The following NTRK2 variants were observed in gnomAD, a reference collection of about 807,000 sequenced individuals.
NTRK2 encodes neurotrophic receptor tyrosine kinase 2, also known as BDNF/NT-3 growth factors receptor.
Under a neutral mutation model 94.5 loss-of-function variants are expected in NTRK2, and 13 were observed. That is an observed-to-expected ratio of 0.14 (90% CI 0.09 to 0.22). The LOEUF is 0.22. NTRK2 is among the 10% of genes least tolerant of loss of function. The pLI is 1.00. For missense variants in NTRK2, 639 were observed against 1,071.2 expected, an observed-to-expected ratio of 0.60 and a Z score of 5.63; for synonymous variants, 372 against 407.4, an observed-to-expected ratio of 0.91 and a Z score of 1.05.
chr9:84,714,412 A>G (rs898557669), intron 6 of NTRK2, among the ~76,000 whole-genome samples: 1 of 152,098 alleles, frequency 6.6e-6, no homozygotes, highest in South Asian at 2.1e-4. Context: ...GGAGTTCTTT[A>G]TAGTTTCTTC....
chr9:84,795,980 G>T (rs575114079), intron 12 of NTRK2, among the ~76,000 whole-genome samples: 11 of 150,022 alleles, frequency 7.3e-5, no homozygotes, highest in Non-Finnish European at 1.5e-4. Context: ...TTTGGTAGTA[G>T]CTAAGATTCT....
chr9:84,736,887 C>T (rs1029779001), intron 9 of NTRK2, among the ~76,000 whole-genome samples: 53 of 152,292 alleles, frequency 3.5e-4, no homozygotes, highest in African/African-American at 1.2e-3. Context: ...CAATTTCAGG[C>T]GCTGAGTTCA....
chr9:84,798,794 T>G (rs974623068), intron 12 of NTRK2, among the ~76,000 whole-genome samples: 1 of 152,010 alleles, frequency 6.6e-6, no homozygotes, highest in Non-Finnish European at 1.5e-5. Context: ...CATTTGCAAC[T>G]CTTTGTGAAC....
chr9:85,001,876 C>T (rs1024703988), intron 17 of NTRK2, among the ~76,000 whole-genome samples: 1 of 152,220 alleles, frequency 6.6e-6, no homozygotes, highest in African/African-American at 2.4e-5. Flanking sequence ...ACCTGAAGGC[C>T]AGAATTTCTG....
chr9:84,882,719 T>TGCGTGCGCGCGCGCGC (rs2076294669), intron 14 of NTRK2, among the ~76,000 whole-genome samples: 1 of 145,742 alleles, frequency 6.9e-6, no homozygotes, highest in Non-Finnish European at 1.5e-5. Context: ...TGTGTGTGTG[T>TGCGTGCGCGCGCGCGC]GCGCGCGCGC....
Position 84,670,553 on chromosome 9 carries a change from G to A in NTRK2, c.-196G>A. On this transcript the variant is annotated 5_prime_UTR_variant, in exon 2 of 19. In the 5' UTR this introduces an upstream ATG that the reference lacks. Transcript: ENST00000277120. ...AGCGGTTCGCTATGCCGGGGCCACT[G>A]TGAACCCTGCCGCCTGCCGGAACAC... 1.6e-6 allele frequency: 1 copy of A among 630,352 alleles called. No homozygotes were observed. The highest frequency in any genetic ancestry group is 2.7e-5 in the East Asian group (1 of 36,474). The allele number at this position is 630,352 out of a possible 1,614,324, so 39.0% of individuals were successfully genotyped here.
At chr9:84,995,260 C>A (rs1406204222) in intron 17 of NTRK2, among the ~76,000 whole-genome samples, 1 of 152,132 alleles carries the variant, frequency 6.6e-6, no homozygotes, top group Non-Finnish European at 1.5e-5. Flanking sequence ...GAGGACCGCA[C>A]TTCCAAGAGT....
intron 17 of NTRK2, among the ~76,000 whole-genome samples, chr9:85,014,441 T>C (rs1395867362): frequency 6.6e-6 from 1 of 152,046 alleles, no homozygotes; most frequent in African/African-American, 2.4e-5. Flanking sequence ...GCATGAAGAG[T>C]GGTGGAATAG....
chr9:85,015,083 A>G (rs539631641), intron 17 of NTRK2, among the ~76,000 whole-genome samples: 7 of 152,284 alleles, frequency 4.6e-5, no homozygotes, highest in South Asian at 2.1e-4. Context: ...TTATGTTTTC[A>G]TAGTTTAACT....
intron 14 of NTRK2, among the ~76,000 whole-genome samples, chr9:84,908,886 G>A (rs2077154781): frequency 6.6e-6 from 1 of 152,158 alleles, no homozygotes. Context: ...AGGAATTGTA[G>A]ATTCATATGG....
chr9:84,863,936 T>C (rs1248362067), intron 13 of NTRK2, among the ~76,000 whole-genome samples: 1 of 152,224 alleles, frequency 6.6e-6, no homozygotes, highest in Non-Finnish European at 1.5e-5. Context: ...CTCATTCCCT[T>C]GCAATCTGTT....
At chr9:84,797,667 T>G (rs2069620967) in intron 12 of NTRK2, among the ~76,000 whole-genome samples, 1 of 74,792 alleles carries the variant, frequency 1.3e-5, no homozygotes, top group Non-Finnish European at 2.2e-5. Context: ...ATATTATATA[T>G]TATATATTAT....
At chr9:84,833,429 G>C (rs2073687514) in intron 12 of NTRK2, among the ~76,000 whole-genome samples, 1 of 149,686 alleles carries the variant, frequency 6.7e-6, no homozygotes, top group South Asian at 2.1e-4. Flanking sequence ...TGATTTGCAT[G>C]AGAAAAAGAA....
At chr9:85,010,888 A>G (rs116636763) in intron 17 of NTRK2, among the ~76,000 whole-genome samples, 2,042 of 152,312 alleles carry the variant, frequency 0.013, 49 homozygotes, top group African/African-American at 0.047. Flanking sequence ...AATTGTGTAC[A>G]GTATACAAGC....
In NTRK2 at chr9:84,806,143, T is replaced by G. The variant is rs568763425; in HGVS notation, c.1396+54058T>G. Among the ~76,000 whole-genome samples the G allele has an allele frequency of 3.2e-3, 487 of 152,318 alleles. 1 individual carries two copies. Among genetic ancestry groups the G allele is most frequent in the African/African-American group, 8.1e-3 (335 of 41,566 alleles). ...GAGGCCATGTTGAGCATAGAAAATG[T>G]ATAGATGTGCTCCCTCTGTCCTCCT... On this transcript the variant is annotated intron_variant, in intron 12 of 18. Coordinates refer to ENST00000277120, the MANE Select transcript of NTRK2 (RefSeq NM_006180.6).
At chr9:84,811,016 G>A in intron 12 of NTRK2, 1 of 1,105,084 alleles carries the variant, frequency 9.0e-7, no homozygotes, top group Non-Finnish European at 1.1e-6. Context: ...AGGTATAAGT[G>A]CACACTGAAT....
chr9:84,894,263 G>T (rs536343018), intron 14 of NTRK2, among the ~76,000 whole-genome samples: 8 of 147,508 alleles, frequency 5.4e-5, no homozygotes, highest in African/African-American at 1.8e-4. Flanking sequence ...GCTGTGAGCT[G>T]GTTCTCTTTT....
chr9:84,894,097 G>A (rs549110689), intron 14 of NTRK2, among the ~76,000 whole-genome samples: 1 of 102,368 alleles, frequency 9.8e-6, no homozygotes, highest in African/African-American at 4.0e-5. Context: ...AGTCTAACAG[G>A]TGCCTGGCAA....
chr9:84,926,293 C>T (rs1057375055), intron 14 of NTRK2, among the ~76,000 whole-genome samples: 3 of 151,066 alleles, frequency 2.0e-5, no homozygotes, highest in South Asian at 4.2e-4. Context: ...AGTGCAATGG[C>T]GTGATCTCAG....
Sources: gnomAD v4.1 joint callset for allele counts (sites outside exome capture counted in the v4.1 genomes callset) on GRCh38, gnomAD v4.1.1 for gene constraint, MANE v1.5 for transcripts, NCBI Gene and HGNC (gene_info 2026-07-23, HGNC 2026-07-21) for gene names.